TBC1D22B: variants seen among roughly 807,000 people sequenced by gnomAD.
TBC1D22B encodes TBC1 domain family member 22B.
In TBC1D22B, 32 loss-of-function variants were observed where a neutral mutation model predicts 69.1. That is an observed-to-expected ratio of 0.46 (90% CI 0.35 to 0.62). The LOEUF (loss-of-function observed/expected upper bound fraction) is 0.62, where lower values mean the gene tolerates loss of function less well. Among genes scored for constraint, TBC1D22B ranks in the 20% least tolerant of loss-of-function variants. The pLI is 0.00. For missense variants in TBC1D22B, 462 were observed against 630.9 expected (o/e 0.73, Z 2.87); for synonymous variants, 206 against 229.8 (o/e 0.90, Z 0.94).
intron 8 of TBC1D22B, among the ~76,000 whole-genome samples, chr6:37,300,535 A>G (rs900729113): frequency 6.6e-6 from 1 of 151,876 alleles, no homozygotes; most frequent in East Asian, 1.9e-4. Flanking sequence ...TAATTTTTGT[A>G]TTTTTGAGTA....
rs1766392225 is a variant in TBC1D22B, at chr6:37,268,939, A to G, written c.57-655A>G. Among the ~76,000 whole-genome samples the G allele has an allele frequency of 3.9e-5, 6 of 152,252 alleles. No individual in the cohort carries two copies. The South Asian group carries it at 1.2e-3, about 32-fold the overall frequency. On this transcript the variant is annotated intron_variant, in intron 1 of 12. Coordinates refer to ENST00000373491, the MANE Select transcript of TBC1D22B (RefSeq NM_017772.4). ...CATATTGCAATTGATTTCTCTTGTCACTATTGATGGACATTTGGGTTATTT... is the reference window on the plus strand; with the variant it reads ...CATATTGCAATTGATTTCTCTTGTCGCTATTGATGGACATTTGGGTTATTT...
At chr6:37,323,676 G>C (rs1217294658) in intron 12 of TBC1D22B, among the ~76,000 whole-genome samples, 1 of 152,224 alleles carries the variant, frequency 6.6e-6, no homozygotes, top group African/African-American at 2.4e-5. Context: ...TAAATCCCTT[G>C]AACCAGATGG....
intron 8 of TBC1D22B, among the ~76,000 whole-genome samples, chr6:37,310,844 A>G (rs1025174042): frequency 1.3e-5 from 2 of 152,256 alleles, no homozygotes; most frequent in Non-Finnish European, 2.9e-5. Flanking sequence ...TAAAATGACT[A>G]TAAAAATTAT....
At chr6:37,307,338 AT>A (rs1048445360) in intron 8 of TBC1D22B, among the ~76,000 whole-genome samples, 60 of 148,292 alleles carry the variant, frequency 4.0e-4, no homozygotes, top group African/African-American at 1.3e-3. Flanking sequence ...GTTATGAGAA[AT>A]TTTTTTTTCT....
chr6:37,269,791 CT>C, intron 2 of TBC1D22B, 141 bp downstream of exon 2: 1 of 746,764 alleles, frequency 1.3e-6, no homozygotes, highest in Non-Finnish European at 2.3e-6. Context: ...GAGCAATGTT[CT>C]TACTTCCAAA....
chr6:37,271,849 CTTT>C (rs35838317), intron 2 of TBC1D22B, among the ~76,000 whole-genome samples: 52 of 120,876 alleles, frequency 4.3e-4, no homozygotes, highest in Admixed American at 6.7e-4. Context: ...AAGGTGCATG[CTTT>C]TTTTTTTTTT....
intron 10 of TBC1D22B, among the ~76,000 whole-genome samples, chr6:37,315,221 T>C (rs1319328465): frequency 6.6e-6 from 1 of 152,140 alleles, no homozygotes; most frequent in Non-Finnish European, 1.5e-5. Flanking sequence ...GATTTTTAAG[T>C]ATATATATCT....
intron 8 of TBC1D22B, among the ~76,000 whole-genome samples, chr6:37,297,910 C>G (rs1463932862): frequency 6.6e-6 from 1 of 152,138 alleles, no homozygotes; most frequent in African/African-American, 2.4e-5. Context: ...ATGGATGAAG[C>G]TGGAAACCAT....
chr6:37,297,757 G>C (rs978702889), intron 8 of TBC1D22B, among the ~76,000 whole-genome samples: 1 of 152,124 alleles, frequency 6.6e-6, no homozygotes, highest in East Asian at 1.9e-4. Context: ...TATGTTTATT[G>C]CAACACTGTT....
At chr6:37,266,278 T>C (rs771423289) in intron 1 of TBC1D22B, among the ~76,000 whole-genome samples, 5 of 152,246 alleles carry the variant, frequency 3.3e-5, no homozygotes, top group Non-Finnish European at 4.4e-5. Flanking sequence ...AAACTGCTGC[T>C]ACCAGTGTCT....
chr6:37,301,915 G>A (rs1767583456), intron 8 of TBC1D22B, among the ~76,000 whole-genome samples: 1 of 151,980 alleles, frequency 6.6e-6, no homozygotes, highest in Admixed American at 6.6e-5. Context: ...CATTATCCTG[G>A]GTAGGTCTCT....
intron 1 of TBC1D22B, among the ~76,000 whole-genome samples, chr6:37,261,511 G>A (rs914764012): frequency 1.3e-5 from 2 of 151,216 alleles, no homozygotes; most frequent in African/African-American, 4.9e-5. Context: ...TTCTAGCTAT[G>A]TGATCTTATG....
At chr6:37,324,762 G>A (rs76512330) in intron 12 of TBC1D22B, among the ~76,000 whole-genome samples, 1,810 of 152,186 alleles carry the variant, frequency 0.012, 12 homozygotes, top group Middle Eastern at 0.058. Flanking sequence ...CTCACACCAG[G>A]GCAGGCAGTA....
Position 37,317,183 on chromosome 6 carries a change from A to G in TBC1D22B, c.1366A>G (p.Ile456Val), listed in dbSNP as rs1768108760. Residue 456 changes from isoleucine (I) to valine (V), a missense_variant, in exon 12 of 13, where the codon ATC becomes GTC. Physicochemically the swap from Ile to Val is conservative, Grantham distance 29 (BLOSUM62 3). Around this residue, in one of 2 missense-constraint regions of TBC1D22B, gnomAD observed 225 missense variants for 375.4 expected, o/e 0.60. Coordinates refer to ENST00000373491, the MANE Select transcript of TBC1D22B (RefSeq NM_017772.4). ...AAFLIKWRKE[I>V]LDEEDFQGLL... Reference sequence around the variant, plus strand: ...CTTCTTGATCAAGTGGAGGAAAGAGATCTTGGATGAGGAGGATTTTCAGGT... The same window carrying G: ...CTTCTTGATCAAGTGGAGGAAAGAGGTCTTGGATGAGGAGGATTTTCAGGT... 6.4e-7 allele frequency: 1 copy of G among 1,572,904 alleles called. No individual in the cohort carries two copies. Among genetic ancestry groups the G allele is most frequent in the African/African-American group, 1.3e-5 (1 of 74,204 alleles).
intron 1 of TBC1D22B, among the ~76,000 whole-genome samples, chr6:37,259,390 T>C (rs1012674037): frequency 1.3e-5 from 2 of 152,182 alleles, no homozygotes; most frequent in Non-Finnish European, 2.9e-5. Context: ...TCTCTAGTTG[T>C]GCTAACTGCT....
intron 2 of TBC1D22B, among the ~76,000 whole-genome samples, chr6:37,277,364 G>A (rs1263406134): frequency 6.6e-6 from 1 of 152,150 alleles, no homozygotes; most frequent in South Asian, 2.1e-4. Flanking sequence ...TGGTAGATCA[G>A]GTCCCCTTTT....
chr6:37,279,550 C>T lies in TBC1D22B; in HGVS notation c.360C>T (p.Asp120=), dbSNP rs375121211. The change falls in exon 3 of 13, where the codon GAC becomes GAT. Residue 120 remains aspartate, a synonymous_variant. Coordinates refer to ENST00000373491, the MANE Select transcript of TBC1D22B (RefSeq NM_017772.4). ...KPERSQSTTS[D]VPANYKVIKS... is the part of the protein sequence containing the mutation. ...AACGGTCCCAGTCAACGACATCGGACGTCCCTGCCAACTACAAGGTCATAA... is the reference window on the plus strand; with the variant it reads ...AACGGTCCCAGTCAACGACATCGGATGTCCCTGCCAACTACAAGGTCATAA... 12 of 1,614,098 alleles carry T rather than the reference C, an allele frequency of 7.4e-6. No individual in the cohort carries two copies. Among genetic ancestry groups the T allele is most frequent in the South Asian group, 3.3e-5 (3 of 91,090 alleles).
chr6:37,319,045 A>G (rs1016549902), intron 12 of TBC1D22B, among the ~76,000 whole-genome samples: 31 of 152,082 alleles, frequency 2.0e-4, no homozygotes, highest in African/African-American at 7.0e-4. Flanking sequence ...GAGCATTACC[A>G]CTCTGTGATT....
chr6:37,322,447 G>A (rs955626763), intron 12 of TBC1D22B, among the ~76,000 whole-genome samples: 1 of 152,128 alleles, frequency 6.6e-6, no homozygotes, highest in Admixed American at 6.5e-5. Flanking sequence ...AACCTGGGAG[G>A]CGGAGATTGC....
Sources: allele counts gnomAD v4.1 joint callset (sites outside exome capture counted in the v4.1 genomes callset), GRCh38; gene constraint gnomAD v4.1.1; regional missense constraint gnomAD v4.1.1; transcripts MANE v1.5; gene names NCBI Gene and HGNC (gene_info 2026-07-23, HGNC 2026-07-21).